The following TRPM3 variants were observed in gnomAD, a reference collection of about 807,000 sequenced individuals.
The protein encoded by TRPM3 is transient receptor potential cation channel subfamily M member 3.
A neutral mutation model predicts 181.2 loss-of-function variants in TRPM3; 77 were observed. The observed-to-expected ratio is 0.42, with a 90% CI of 0.35 to 0.51. TRPM3 has a LOEUF of 0.51. Ranked by LOEUF, TRPM3 falls within the 20% of genes least tolerant of loss-of-function variation. The probability of loss-of-function intolerance (pLI) is 0.01; values close to 1 mark genes in which losing one functional copy is unlikely to be tolerated. For synonymous variants in TRPM3, 745 were observed against 796.4 expected (o/e 0.94, Z 1.09); for missense variants, 1,759 against 2,196.7 (o/e 0.80, Z 3.98).
At chr9:70,644,221 T>C (rs1351264320) in intron 9 of TRPM3, among the ~76,000 whole-genome samples, 2 of 152,180 alleles carry the variant, frequency 1.3e-5, no homozygotes, top group Non-Finnish European at 2.9e-5. Context: ...AATAAACTCA[T>C]GAACAGCATA....
intron 1 of TRPM3, among the ~76,000 whole-genome samples, chr9:71,105,985 G>GA (rs988742452): frequency 6.6e-6 from 1 of 152,168 alleles, no homozygotes; most frequent in Admixed American, 6.5e-5. Flanking sequence ...TGAGCTTACA[G>GA]AAAAAATTCA....
rs777321704 is a variant in TRPM3 at position 70,619,062 on chromosome 9, G to A, written c.2163C>T (p.Asp721=). The change falls in exon 17 of 26, where the codon GAC becomes GAT. Residue 721 remains aspartate (D), a synonymous_variant. Transcript: ENST00000677713. ...DFGQLAVELL[D]QSYKQDEQLA... is the part of the protein sequence containing the mutation. The stretch of plus-strand genomic sequence containing the variant: ...GCTGTTCGTCCTGCTTGTAGGACTG[G>A]TCCAGGAGCTCCACAGCCAGCTGGC... 1.2e-6 allele frequency: 2 copies of A among 1,613,958 alleles called. No individual in the cohort carries two copies. The highest frequency in any genetic ancestry group is 2.2e-5 in the East Asian group (1 of 44,870).
chr9:71,171,548 C>T (rs772973845), intron 1 of TRPM3, among the ~76,000 whole-genome samples: 9 of 152,060 alleles, frequency 5.9e-5, no homozygotes, highest in Admixed American at 2.0e-4. Context: ...GCAGGTTCCC[C>T]GATACAAACT....
At chr9:70,539,884 GA>G (rs2042824552) in intron 25 of TRPM3, among the ~76,000 whole-genome samples, 1 of 152,110 alleles carries the variant, frequency 6.6e-6, no homozygotes, top group Non-Finnish European at 1.5e-5. Flanking sequence ...ACCCAGGCTG[GA>G]AGGCAGTGGT....
intron 22 of TRPM3, among the ~76,000 whole-genome samples, chr9:70,558,884 T>C (rs2048374878): frequency 1.3e-5 from 2 of 152,200 alleles, no homozygotes; most frequent in South Asian, 4.1e-4. Flanking sequence ...ACACATCACA[T>C]GGCAGAAGCC....
chr9:71,379,200 A>T (rs894153734), intron 1 of TRPM3, among the ~76,000 whole-genome samples: 14 of 151,748 alleles, frequency 9.2e-5, no homozygotes, highest in Non-Finnish European at 1.8e-4. Context: ...ATAAACGCTT[A>T]ATCTATCTTT....
intron 1 of TRPM3, among the ~76,000 whole-genome samples, chr9:70,898,985 C>T (rs1390351886): frequency 6.6e-6 from 1 of 152,052 alleles, no homozygotes; most frequent in Non-Finnish European, 1.5e-5. Context: ...GAAGCTTGGA[C>T]AACAGAAATC....
intron 1 of TRPM3, among the ~76,000 whole-genome samples, chr9:71,230,920 GCA>G (rs1438818368): frequency 6.6e-6 from 1 of 152,054 alleles, no homozygotes; most frequent in Non-Finnish European, 1.5e-5. Flanking sequence ...TATCTTAAAG[GCA>G]AATTTCTCAT....
At chr9:71,037,514 T>C (rs943701326) in intron 1 of TRPM3, among the ~76,000 whole-genome samples, 36 of 152,386 alleles carry the variant, frequency 2.4e-4, no homozygotes, top group Middle Eastern at 3.4e-3. Context: ...AAGACACTTA[T>C]ACGTGTGTGT....
chr9:70,608,896 A>AAAT (rs2061602033), intron 19 of TRPM3, among the ~76,000 whole-genome samples: 2 of 152,208 alleles, frequency 1.3e-5, no homozygotes, highest in Admixed American at 1.3e-4. Context: ...AAGAGTACTT[A>AAAT]AATAATAGTA....
chr9:71,209,873 T>C (rs2079373937), intron 1 of TRPM3, among the ~76,000 whole-genome samples: 1 of 152,236 alleles, frequency 6.6e-6, no homozygotes, highest in Non-Finnish European at 1.5e-5. Context: ...TTTTACATTA[T>C]AATGGCAGAA....
At chr9:71,228,038 A>G (rs987076746) in intron 1 of TRPM3, among the ~76,000 whole-genome samples, 2 of 152,186 alleles carry the variant, frequency 1.3e-5, no homozygotes, top group African/African-American at 4.8e-5. Context: ...CAAAAAAGAA[A>G]ACTACAGGCC....
chr9:70,761,741 T>C lies in TRPM3; in HGVS notation c.1149-17A>G, dbSNP rs1487392626. 6.2e-7 allele frequency: 1 copy of C among 1,601,656 alleles called. No individual in the cohort carries two copies. ...TTTATCAGTCTGCAAGTAAAAACAA[T>C]GTCAAAAGCAGGTCAACCAACTCCT... On this transcript the variant is annotated splice_polypyrimidine_tract_variant and intron_variant, in intron 7 of 25. Transcript: ENST00000677713.
chr9:71,272,181 T>C (rs145130279), intron 1 of TRPM3, among the ~76,000 whole-genome samples: 1,991 of 152,292 alleles, frequency 0.013, 31 homozygotes, highest in Middle Eastern at 0.031. Context: ...AAAAGTGTCG[T>C]ATTTTTTCTT....
intron 1 of TRPM3, among the ~76,000 whole-genome samples, chr9:71,116,299 T>C (rs1206401573): frequency 6.6e-6 from 1 of 152,188 alleles, no homozygotes; most frequent in Non-Finnish European, 1.5e-5. Flanking sequence ...CTAAGCAAAG[T>C]TTCTGGTTTA....
chr9:71,190,679 G>A (rs1426790795), intron 1 of TRPM3, among the ~76,000 whole-genome samples: 1 of 151,738 alleles, frequency 6.6e-6, no homozygotes. Context: ...TTAATATAGG[G>A]TCTCCATATC....
chr9:71,133,164 G>C (rs1023756145), intron 1 of TRPM3, among the ~76,000 whole-genome samples: 3 of 151,898 alleles, frequency 2.0e-5, no homozygotes, highest in Non-Finnish European at 4.4e-5. Flanking sequence ...ACAAAACTGG[G>C]CATATCATTA....
At chr9:70,894,613 A>T (rs2096256337) in intron 1 of TRPM3, among the ~76,000 whole-genome samples, 1 of 152,186 alleles carries the variant, frequency 6.6e-6, no homozygotes, top group Non-Finnish European at 1.5e-5. Context: ...TTAGGATAAA[A>T]TACAAGATTA....
At chr9:71,152,539 A>G (rs1194677889) in intron 1 of TRPM3, among the ~76,000 whole-genome samples, 1 of 152,130 alleles carries the variant, frequency 6.6e-6, no homozygotes, top group Admixed American at 6.6e-5. Context: ...AATAAGGGAT[A>G]ATTTTATTTT....
Sources: gnomAD v4.1 joint callset for allele counts (sites outside exome capture counted in the v4.1 genomes callset) on GRCh38, gnomAD v4.1.1 for gene constraint, MANE v1.5 for transcripts, NCBI Gene and HGNC (gene_info 2026-07-23, HGNC 2026-07-21) for gene names.